The following STXBP5 variants were observed in gnomAD, a reference collection of about 807,000 sequenced individuals.
STXBP5 encodes the protein syntaxin binding protein 5, also known as syntaxin-binding protein 5.
A neutral mutation model predicts 152.4 loss-of-function variants in STXBP5; 50 were observed. That is an observed-to-expected ratio of 0.33 (90% confidence interval 0.26 to 0.42). STXBP5 has a LOEUF of 0.42. Ranked by LOEUF, STXBP5 falls within the 10% of genes least tolerant of loss-of-function variation. The pLI, the probability that STXBP5 is intolerant of heterozygous loss-of-function variation, is 1.00. For missense variants in STXBP5, 1,167 were observed against 1,388.6 expected (o/e 0.84, Z 2.54); for synonymous variants, 492 against 494.7 (o/e 0.99, Z 0.07).
At chr6:147,239,366 C>A (rs948330430) in intron 4 of STXBP5, 96 bp downstream of exon 4, 1 of 1,019,934 alleles carries the variant, frequency 9.8e-7, no homozygotes. Context: ...GGACCTTATG[C>A]ACAATCTAAA....
intron 11 of STXBP5, among the ~76,000 whole-genome samples, chr6:147,311,759 A>T (rs1782388151): frequency 6.6e-6 from 1 of 152,174 alleles, no homozygotes; most frequent in South Asian, 2.1e-4. Flanking sequence ...CTGAAATTTC[A>T]CATGATTCAA....
intron 11 of STXBP5, among the ~76,000 whole-genome samples, chr6:147,312,062 C>T (rs1456765329): frequency 2.0e-5 from 3 of 152,130 alleles, no homozygotes; most frequent in African/African-American, 4.8e-5. Context: ...AGTGTCTATT[C>T]CTTAGGAAAA....
chr6:147,363,106 T>C (rs1785138187), intron 23 of STXBP5, among the ~76,000 whole-genome samples: 1 of 152,188 alleles, frequency 6.6e-6, no homozygotes, highest in African/African-American at 2.4e-5. Flanking sequence ...TGTAATTAAA[T>C]TGTGAGTGAT....
At position 147,384,848 on chromosome 6, in the gene STXBP5, T is replaced by C. The variant is rs931693187; in HGVS notation, c.*93T>C. 1.8e-5 allele frequency: 22 copies of C among 1,256,366 alleles called. No individual in the cohort carries two copies. The Admixed American group carries it at 3.7e-4, about 21-fold the overall frequency. The allele number at this position is 1,256,366 out of a possible 1,614,324, so 77.8% of individuals were successfully genotyped here. A position where few individuals can be genotyped will look rare whatever the true frequency, so the allele number is the denominator to read the frequency against. ...TAGGAAAGTTAACGTTAAAGGGATG[T>C]TCGTCACTGAATACTGTTCTTTCCT... On this transcript the variant is annotated 3_prime_UTR_variant, in exon 28 of 28. Transcript: ENST00000321680.
chr6:147,346,794 C>T (rs1193825545), intron 21 of STXBP5, among the ~76,000 whole-genome samples: 2 of 151,600 alleles, frequency 1.3e-5, no homozygotes, highest in Non-Finnish European at 2.9e-5. Context: ...AGGTTTGGGA[C>T]TTAGCCACCC....
At chr6:147,381,337 A>G (rs1334539044) in intron 26 of STXBP5, among the ~76,000 whole-genome samples, 1 of 152,156 alleles carries the variant, frequency 6.6e-6, no homozygotes, top group African/African-American at 2.4e-5. Flanking sequence ...ATGTGATACC[A>G]CTTCAAACTT....
chr6:147,219,796 C>CTTTTTT (rs1442980949), intron 2 of STXBP5, among the ~76,000 whole-genome samples: 3 of 91,822 alleles, frequency 3.3e-5, no homozygotes, highest in Non-Finnish European at 6.7e-5. Flanking sequence ...TGGCTAGAAG[C>CTTTTTT]TTGTTTTTTT....
Position 147,387,158 on chromosome 6 carries a change from A to G in STXBP5, c.*2403A>G, listed in dbSNP as rs1354112154. On this transcript the variant is annotated 3_prime_UTR_variant, in exon 28 of 28. Transcript: ENST00000321680. ...TTTGAGTGTAGGAAATAAGCTTCTC[A>G]GAGTTATACTTGATTCTGTCTGTAG... 1 of 151,714 alleles carries G rather than the reference A, an allele frequency of 6.6e-6. No individual in the cohort carries two copies. Among genetic ancestry groups the G allele is most frequent in the African/African-American group, 2.4e-5 (1 of 41,406 alleles). The allele number at this position is 151,714 out of a possible 1,614,324, so 9.4% of individuals were successfully genotyped here. A position where few individuals can be genotyped will look rare whatever the true frequency, so the allele number is the denominator to read the frequency against.
chr6:147,315,955 A>G (rs1203097480), intron 15 of STXBP5, among the ~76,000 whole-genome samples: 1 of 152,206 alleles, frequency 6.6e-6, no homozygotes, highest in African/African-American at 2.4e-5. Context: ...TCCTTTAAGG[A>G]AAGCTAATAT....
intron 19 of STXBP5, among the ~76,000 whole-genome samples, chr6:147,335,809 GAAAA>G (rs968731961): frequency 1.3e-5 from 2 of 151,214 alleles, no homozygotes; most frequent in Non-Finnish European, 3.0e-5. Flanking sequence ...AAAAAAAAAA[GAAAA>G]AAAGAAAAAG....
intron 4 of STXBP5, among the ~76,000 whole-genome samples, chr6:147,244,479 A>G (rs1431084461): frequency 2.0e-5 from 3 of 152,212 alleles, no homozygotes; most frequent in Admixed American, 6.5e-5. Flanking sequence ...AAAGAGGACT[A>G]TTGACTGTAG....
intron 9 of STXBP5, among the ~76,000 whole-genome samples, chr6:147,292,099 T>A (rs1781304200): frequency 6.6e-6 from 1 of 152,186 alleles, no homozygotes; most frequent in East Asian, 1.9e-4. Context: ...CTGGTGTATT[T>A]TTTGTATACC....
At chr6:147,314,182 TACACACACACAC>T (rs5880705) in intron 12 of STXBP5, 70 bp from the exon 13 acceptor site, 9 of 945,310 alleles carry the variant, frequency 9.5e-6, no homozygotes, top group South Asian at 3.3e-5. Context: ...CTGGATTATT[TACACACACACAC>T]ACACACACAC....
intron 23 of STXBP5, among the ~76,000 whole-genome samples, chr6:147,359,608 C>A (rs1462920636): frequency 9.1e-6 from 1 of 109,636 alleles, no homozygotes. Context: ...TATCCCTCCC[C>A]CCTCCCCCCA....
intron 9 of STXBP5, among the ~76,000 whole-genome samples, chr6:147,308,309 G>C (rs575326168): frequency 6.6e-6 from 1 of 152,162 alleles, no homozygotes; most frequent in South Asian, 2.1e-4. Flanking sequence ...TTGAAACACT[G>C]AATGTATGGA....
chr6:147,375,990 A>C (rs1398985430), intron 26 of STXBP5, among the ~76,000 whole-genome samples: 1 of 152,142 alleles, frequency 6.6e-6, no homozygotes, highest in African/African-American at 2.4e-5. Context: ...CCATCACACT[A>C]AAGGGAATTC....
intron 2 of STXBP5, among the ~76,000 whole-genome samples, chr6:147,228,569 CTCT>C (rs1343512782): frequency 2.0e-5 from 3 of 151,968 alleles, no homozygotes; most frequent in Non-Finnish European, 2.9e-5. Flanking sequence ...TTGATACTTT[CTCT>C]TCTTCTTTTC....
rs1785591667 is a variant in STXBP5 at position 147,372,406 on chromosome 6, CCTTTTTTTTTTTTTTTTTTTTTTTT to C, written c.3082-1324_3082-1300del. ...ATATAAATGTTACTACCGTCCTTTT[CCTTTTTTTTTTTTTTTTTTTTTTTT>C]TTTTTTTTTTTTTTTTTTTTTTTTT... On this transcript the variant is annotated intron_variant, in intron 25 of 27. Coordinates refer to ENST00000321680, the MANE Select transcript of STXBP5 (RefSeq NM_001127715.4). Among the ~76,000 whole-genome samples, 338 of 39,082 alleles carry C rather than the reference CCTTTTTTTTTTTTTTTTTTTTTTTT, an allele frequency of 8.6e-3. 41 individuals carry two copies. The highest frequency in any genetic ancestry group is 0.018 in the African/African-American group (209 of 11,920). The allele number at this position is 39,082 out of a possible 152,430, so 25.6% of individuals were successfully genotyped here. A position where few individuals can be genotyped will look rare whatever the true frequency, so the allele number is the denominator to read the frequency against.
chr6:147,226,900 T>C (rs1034458106), intron 2 of STXBP5, among the ~76,000 whole-genome samples: 1 of 152,176 alleles, frequency 6.6e-6, no homozygotes, highest in African/African-American at 2.4e-5. Context: ...TCCTAGGAGC[T>C]ACTAAATGAG....
Sources: gnomAD v4.1 joint callset for allele counts (sites outside exome capture counted in the v4.1 genomes callset) on GRCh38, gnomAD v4.1.1 for gene constraint, MANE v1.5 for transcripts, NCBI Gene and HGNC (gene_info 2026-07-23, HGNC 2026-07-21) for gene names.